Variants in ERICH2 observed in about 807,000 individuals in gnomAD.
The protein encoded by ERICH2 is glutamate-rich protein 2.
Under a neutral mutation model 17.4 loss-of-function variants are expected in ERICH2, and 17 were observed. The ratio of observed to expected loss-of-function variants is 0.98; its 90% CI spans 0.67 to 1.47. The LOEUF is 1.47. Ranked by LOEUF, ERICH2 falls within the 40% of genes most tolerant of loss-of-function variation. The pLI is 0.00. For synonymous variants in ERICH2, 51 were observed against 61.1 expected (o/e 0.83, Z 0.77); for missense variants, 186 against 183.2 (o/e 1.01, Z -0.09).
intron 3 of ERICH2, among the ~76,000 whole-genome samples, chr2:170,794,619 T>G (rs952581317): frequency 6.6e-6 from 1 of 152,230 alleles, no homozygotes; most frequent in Non-Finnish European, 1.5e-5. Context: ...TTTATGCATC[T>G]TTTTCTTCTA....
chr2:170,787,896 T>G (rs6721280), intron 2 of ERICH2, among the ~76,000 whole-genome samples: 143,358 of 152,196 alleles, frequency 0.94, 68,104 homozygotes, highest in East Asian at 1. Flanking sequence ...GTTGTCCAGT[T>G]TCTGAAAACT....
chr2:170,792,819 A>T (rs1701320600), intron 2 of ERICH2, 44 bp from the exon 8 acceptor site: 3 of 1,271,656 alleles, frequency 2.4e-6, no homozygotes, highest in Non-Finnish European at 3.2e-6. Flanking sequence ...TTTAGAGTTG[A>T]CAACATTTAA....
At chr2:170,786,031 A>T (rs1302494884) in intron 2 of ERICH2, among the ~76,000 whole-genome samples, 8 of 151,610 alleles carry the variant, frequency 5.3e-5, no homozygotes, top group African/African-American at 1.9e-4. Context: ...TCAATACATT[A>T]TTTTTTTTAA....
intron 3 of ERICH2, among the ~76,000 whole-genome samples, chr2:170,794,357 C>T (rs937028934): frequency 1.3e-5 from 2 of 152,000 alleles, no homozygotes; most frequent in Non-Finnish European, 2.9e-5. Context: ...ATTCTCCTGC[C>T]TCAGCCTCCC....
At chr2:170,795,610 G>C (rs1337207332) in intron 3 of ERICH2, among the ~76,000 whole-genome samples, 1 of 152,172 alleles carries the variant, frequency 6.6e-6, no homozygotes, top group Non-Finnish European at 1.5e-5. Flanking sequence ...GCCTCCCGAA[G>C]TGTTGGGATT....
exon 2 of ERICH2, chr2:170,784,780 G>A: frequency 1.3e-6 from 2 of 1,542,196 alleles, no homozygotes; most frequent in Non-Finnish European, 1.7e-6. Context: ...AGATGATGAT[G>A]AAGATAGTAA....
upstream of ERICH2, among the ~76,000 whole-genome samples, chr2:170,780,773 T>G (rs1321238779): frequency 6.6e-6 from 1 of 152,230 alleles, no homozygotes; most frequent in East Asian, 1.9e-4. Flanking sequence ...GTATCTTAGA[T>G]TCAATGAAAT....
At chr2:170,796,279 C>T (rs1202917696) in intron 3 of ERICH2, among the ~76,000 whole-genome samples, 1 of 152,044 alleles carries the variant, frequency 6.6e-6, no homozygotes, top group South Asian at 2.1e-4. Flanking sequence ...TCATGCTAAC[C>T]CAGATTGATG....
the ERICH2 span, among the ~76,000 whole-genome samples, chr2:170,774,562 A>ATCT: frequency 0.6 from 40,392 of 67,332 alleles, 7,674 homozygotes; most frequent in Admixed American, 0.62. Flanking sequence ...CAAGAGCCCC[A>ATCT]TCTTTTTTTT....
chr2:170,793,226 G>A (rs938234829), intron 3 of ERICH2, among the ~76,000 whole-genome samples: 1 of 152,174 alleles, frequency 6.6e-6, no homozygotes, highest in Non-Finnish European at 1.5e-5. Flanking sequence ...AGAAGTGTCA[G>A]GTGACACAGC....
At chr2:170,796,462 G>A (rs112413721) in intron 3 of ERICH2, among the ~76,000 whole-genome samples, 9,239 of 122,502 alleles carry the variant, frequency 0.075, 415 homozygotes, top group Non-Finnish European at 0.1. Flanking sequence ...TTGAGACAGC[G>A]TCTCCCTCAG....
chr2:170,773,919 G>A, the ERICH2 span, among the ~76,000 whole-genome samples: 2 of 152,008 alleles, frequency 1.3e-5, no homozygotes, highest in Non-Finnish European at 1.5e-5. Flanking sequence ...GCAGAGTTTT[G>A]CTGTGTTCCC....
At chr2:170,780,410 A>C (rs944360797), upstream of ERICH2, among the ~76,000 whole-genome samples, 1 of 152,222 alleles carries the variant, frequency 6.6e-6, no homozygotes, top group Non-Finnish European at 1.5e-5. Context: ...TACTGTTAAA[A>C]TCAGGATTTG....
upstream of ERICH2, chr2:170,779,877 A>G: frequency 1.0e-6 from 1 of 978,756 alleles, no homozygotes; most frequent in Non-Finnish European, 1.2e-6. Context: ...TAGCTAAAAC[A>G]TTCTCAGAAA....
At chr2:170,777,322 C>A in the ERICH2 span, 5 of 695,550 alleles carry the variant, frequency 7.2e-6, no homozygotes, top group Non-Finnish European at 9.0e-6. Context: ...TAAATTATTT[C>A]AAATATCTCA....
At chr2:170,797,805 A>G (rs999769746) in intron 3 of ERICH2, among the ~76,000 whole-genome samples, 4 of 151,712 alleles carry the variant, frequency 2.6e-5, no homozygotes, top group African/African-American at 9.7e-5. Flanking sequence ...GAAAAAAAAA[A>G]AAAAAAAAAG....
chr2:170,772,377 G>C, the ERICH2 span, among the ~76,000 whole-genome samples: 1 of 152,188 alleles, frequency 6.6e-6, no homozygotes, highest in Admixed American at 6.5e-5. Context: ...CAGGAGATGA[G>C]TGCTACTATT....
chr2:170,783,361 C>G (rs938625549), upstream of ERICH2: 1 of 156,318 alleles, frequency 6.4e-6, no homozygotes, highest in Admixed American at 6.1e-5. Context: ...ACCAGCCTAG[C>G]CAACATGGTG....
intron 3 of ERICH2, among the ~76,000 whole-genome samples, chr2:170,794,172 T>C (rs1313385729): frequency 7.6e-6 from 1 of 131,562 alleles, no homozygotes; most frequent in Non-Finnish European, 1.6e-5. Context: ...AGTGGTGCAA[T>C]CTCCGCTCAC....
Sources: allele counts gnomAD v4.1 joint callset (sites outside exome capture counted in the v4.1 genomes callset), GRCh38; gene constraint gnomAD v4.1.1; transcripts MANE v1.5; gene names NCBI Gene and HGNC (gene_info 2026-07-23, HGNC 2026-07-21).